ZNF521: variants seen among roughly 807,000 people sequenced by gnomAD.
The protein encoded by ZNF521 is LYST-interacting protein 3.
A neutral mutation model predicts 105.5 loss-of-function variants in ZNF521; 14 were observed. The ratio of observed to expected loss-of-function variants is 0.13; its 90% confidence interval spans 0.09 to 0.21. The LOEUF (loss-of-function observed/expected upper bound fraction) is 0.21, where lower values mean the gene tolerates loss of function less well. Among genes scored for constraint, ZNF521 ranks in the 10% least tolerant of loss-of-function variants. ZNF521 has a pLI of 1.00. For synonymous variants in ZNF521, 635 were observed against 606.0 expected, an observed-to-expected ratio of 1.05 and a Z score of -0.70; for missense variants, 1,233 against 1,629.7, an observed-to-expected ratio of 0.76 and a Z score of 4.19.
At chr18:25,213,708 T>C (rs2144694246) in intron 4 of ZNF521, among the ~76,000 whole-genome samples, 1 of 152,280 alleles carries the variant, frequency 6.6e-6, no homozygotes, top group Admixed American at 6.5e-5. Flanking sequence ...TTTGAAATTA[T>C]GTGTATGTTT....
chr18:25,146,409 C>T (rs1239010140), intron 5 of ZNF521, among the ~76,000 whole-genome samples: 5 of 152,070 alleles, frequency 3.3e-5, no homozygotes, highest in Non-Finnish European at 7.4e-5. Context: ...TTCCAGGTGT[C>T]CTTTGGGGCT....
chr18:25,183,654 C>A (rs534078121), intron 5 of ZNF521, among the ~76,000 whole-genome samples: 8 of 152,090 alleles, frequency 5.3e-5, no homozygotes, highest in African/African-American at 1.9e-4. Context: ...ACAGTACTAT[C>A]GGCATATTAA....
chr18:25,347,902 C>T (rs761005050), intron 2 of ZNF521, among the ~76,000 whole-genome samples: 6 of 152,108 alleles, frequency 3.9e-5, no homozygotes, highest in African/African-American at 7.2e-5. Flanking sequence ...GGTTAAAGTA[C>T]TAGTATGCAT....
In ZNF521 at chr18:25,227,405, G is replaced by A. The variant is rs770146893; in HGVS notation, c.513C>T (p.Asp171=). Residue 171 remains aspartate, a synonymous_variant, in exon 4 of 8, where the codon GAC becomes GAT. Transcript: ENST00000361524. The surrounding 1 kb of genome is among the most constrained non-coding windows in gnomAD (Gnocchi z 5.7). ...RDRHIKLHTG[D]KKYHCSECDA... ...CACATTCACTGCAGTGGTACTTCTT[G>A]TCCCCGGTGTGGAGTTTTATGTGGC... 1.2e-6 allele frequency: 2 copies of A among 1,614,122 alleles called. No homozygotes were observed. The highest frequency in any genetic ancestry group is 1.7e-6 in the Non-Finnish European group (2 of 1,180,008).
chr18:25,088,993 C>T (rs2033686194), intron 7 of ZNF521, among the ~76,000 whole-genome samples: 1 of 152,198 alleles, frequency 6.6e-6, no homozygotes, highest in African/African-American at 2.4e-5. Flanking sequence ...AACAGTTATT[C>T]TATTCCATTA....
At chr18:25,082,573 C>T (rs751913126) in intron 7 of ZNF521, 8 of 446,124 alleles carry the variant, frequency 1.8e-5, no homozygotes, top group Admixed American at 4.8e-5. Context: ...TGATGGCTCA[C>T]GCCTGTAATC....
chr18:25,269,506 A>C (rs1459056692), intron 3 of ZNF521, among the ~76,000 whole-genome samples: 1 of 152,132 alleles, frequency 6.6e-6, no homozygotes, highest in Non-Finnish European at 1.5e-5. Flanking sequence ...AGCACCACGT[A>C]GCACTTATTC....
At chr18:25,175,126 G>A (rs1016373374) in intron 5 of ZNF521, among the ~76,000 whole-genome samples, 10 of 152,140 alleles carry the variant, frequency 6.6e-5, no homozygotes, top group Admixed American at 6.5e-5. Context: ...TGAAGAGGGA[G>A]GTAGGACTTT....
chr18:25,133,939 C>A (rs1368684751), intron 5 of ZNF521, among the ~76,000 whole-genome samples: 2 of 152,092 alleles, frequency 1.3e-5, no homozygotes, highest in African/African-American at 4.8e-5. Flanking sequence ...TAATTTGCTA[C>A]TAGGGCTGAA....
chr18:25,269,888 A>C (rs999335754), intron 3 of ZNF521, among the ~76,000 whole-genome samples: 8 of 152,208 alleles, frequency 5.3e-5, no homozygotes, highest in African/African-American at 1.4e-4. Flanking sequence ...GATGTAGAGA[A>C]ACAAGAACAA....
intron 2 of ZNF521, among the ~76,000 whole-genome samples, chr18:25,341,091 A>G (rs1206776465): frequency 6.6e-6 from 1 of 152,140 alleles, no homozygotes; most frequent in Non-Finnish European, 1.5e-5. Context: ...ACATCTTTGA[A>G]CACGAAGACC....
chr18:25,142,196 C>G (rs187770015), intron 5 of ZNF521, among the ~76,000 whole-genome samples: 1 of 152,164 alleles, frequency 6.6e-6, no homozygotes, highest in East Asian at 1.9e-4. Flanking sequence ...TCAAATAAAC[C>G]AGACTGACAC....
chr18:25,316,427 C>G (rs1912621593), intron 3 of ZNF521, among the ~76,000 whole-genome samples: 1 of 114,094 alleles, frequency 8.8e-6, no homozygotes, highest in East Asian at 2.5e-4. Flanking sequence ...ACTTTGTCAG[C>G]CAGGGGTGGG....
chr18:25,168,173 G>A (rs767086649), intron 5 of ZNF521, among the ~76,000 whole-genome samples: 43 of 152,066 alleles, frequency 2.8e-4, no homozygotes, highest in Non-Finnish European at 4.7e-4. Context: ...GTCCCTCTAG[G>A]GAGCGAGGTG....
intron 5 of ZNF521, among the ~76,000 whole-genome samples, chr18:25,168,634 TAGTC>T (rs2035391961): frequency 6.6e-6 from 1 of 152,198 alleles, no homozygotes; most frequent in African/African-American, 2.4e-5. Flanking sequence ...ACAAAAGAGA[TAGTC>T]AGAACGTGCC....
At chr18:25,321,451 G>C (rs1201078160) in intron 3 of ZNF521, among the ~76,000 whole-genome samples, 1 of 152,202 alleles carries the variant, frequency 6.6e-6, no homozygotes, top group East Asian at 1.9e-4. Flanking sequence ...GCTAGGCTTA[G>C]ATAATGCGAG....
At chr18:25,078,100 C>T (rs1230791146) in intron 7 of ZNF521, among the ~76,000 whole-genome samples, 2 of 152,126 alleles carry the variant, frequency 1.3e-5, no homozygotes, top group Non-Finnish European at 2.9e-5. Flanking sequence ...CCACAGGGCC[C>T]CCGCTGATGG....
At chr18:25,206,270 A>C (rs966781214) in intron 4 of ZNF521, among the ~76,000 whole-genome samples, 25 of 152,134 alleles carry the variant, frequency 1.6e-4, no homozygotes, top group African/African-American at 6.0e-4. Flanking sequence ...GGCCTCTCAA[A>C]GTGCTGGGAT....
chr18:25,215,924 T>C lies in ZNF521; in HGVS notation c.3573+8421A>G, dbSNP rs556902019. On this transcript the variant is annotated intron_variant, in intron 4 of 7. Coordinates refer to ENST00000361524, the MANE Select transcript of ZNF521 (RefSeq NM_015461.3). Reference sequence around the variant, plus strand: ...TTGAATACAACAACAACAATACAGATTGGACTTGGCAGAGCAATTCACTGT... The same window carrying C: ...TTGAATACAACAACAACAATACAGACTGGACTTGGCAGAGCAATTCACTGT... 2.6e-5 allele frequency among the ~76,000 whole-genome samples: 4 copies of C among 152,302 alleles called. No individual in the cohort carries two copies. In the East Asian group the frequency reaches 5.8e-4, roughly 22 times the overall value.
Sources: allele counts gnomAD v4.1 joint callset (sites outside exome capture counted in the v4.1 genomes callset), GRCh38; gene constraint gnomAD v4.1.1; non-coding constraint Gnocchi (gnomAD v3.1); transcripts MANE v1.5; gene names NCBI Gene and HGNC (gene_info 2026-07-23, HGNC 2026-07-21).